BID: variants seen among roughly 807,000 people sequenced by gnomAD.
BID encodes BH3 interacting domain death agonist.
In BID, 19 loss-of-function variants were observed where a neutral mutation model predicts 17.4. The observed-to-expected ratio is 1.09, with a 90% CI of 0.76 to 1.60. The LOEUF (loss-of-function observed/expected upper bound fraction) is 1.60, where lower values mean the gene tolerates loss of function less well. Ranked by LOEUF, BID falls within the 40% of genes most tolerant of loss-of-function variation. The pLI is 0.00. For missense variants in BID, 226 were observed against 256.0 expected, an observed-to-expected ratio of 0.88 and a Z score of 0.80; for synonymous variants, 108 against 102.8, an observed-to-expected ratio of 1.05 and a Z score of -0.31.
chr22:17,740,557 G>C (rs780618873), intron 3 of BID: 16 of 183,052 alleles, frequency 8.7e-5, no homozygotes, highest in Non-Finnish European at 1.6e-4. Flanking sequence ...AGCCTCCTGA[G>C]TAGCTGGGAT....
intron 5 of BID, among the ~76,000 whole-genome samples, chr22:17,737,763 C>T (rs1372096055): frequency 2.6e-5 from 4 of 152,214 alleles, no homozygotes; most frequent in African/African-American, 7.2e-5. Context: ...AGGAGTGTGA[C>T]GTGAGCCTTT....
At position 17,773,524 on chromosome 22, in the gene BID, G is replaced by A; in HGVS notation, c.-59+857C>T. 1 of 1,372,698 alleles carries A rather than the reference G, an allele frequency of 7.3e-7. No homozygotes were observed. The highest frequency in any genetic ancestry group is 1.0e-6 in the Non-Finnish European group (1 of 975,250). The allele number at this position is 1,372,698 out of a possible 1,614,324, so 85.0% of individuals were successfully genotyped here. ...TGAGAAGGTGGAAGAGCTCTGGGTGGGTCCATCTGCTCCTCACCTGCCCCA... is the reference window on the plus strand; with the variant it reads ...TGAGAAGGTGGAAGAGCTCTGGGTGAGTCCATCTGCTCCTCACCTGCCCCA... On this transcript the variant is annotated intron_variant, in intron 1 of 5. Coordinates refer to ENST00000622694, the MANE Select transcript of BID (RefSeq NM_001196.4). This position sits in a 1 kb window ranked among gnomAD's most constrained non-coding sequence, Gnocchi z 4.4.
chr22:17,749,594 T>G (rs1269076265), intron 2 of BID, among the ~76,000 whole-genome samples: 1 of 152,272 alleles, frequency 6.6e-6, no homozygotes, highest in African/African-American at 2.4e-5. Context: ...TGGCATTGGT[T>G]AGACAAGGTA....
intron 5 of BID, 97 bp from the exon 6 acceptor site, chr22:17,735,688 T>C: frequency 4.1e-6 from 6 of 1,468,316 alleles, no homozygotes; most frequent in Non-Finnish European, 5.7e-6. Flanking sequence ...CTGGGGTTTA[T>C]GCAAAAACAT....
intron 2 of BID, among the ~76,000 whole-genome samples, chr22:17,749,365 G>A (rs964809351): frequency 1.3e-5 from 2 of 152,158 alleles, no homozygotes; most frequent in Admixed American, 6.6e-5. Flanking sequence ...TTATAAAGAC[G>A]GGGTCTTACT....
chr22:17,739,697 C>T, intron 3 of BID: 1 of 662,226 alleles, frequency 1.5e-6, no homozygotes, highest in Non-Finnish European at 2.5e-6. Flanking sequence ...GAGCTCAGGG[C>T]CTCGGCTGAG....
chr22:17,770,782 C>T lies in BID; in HGVS notation c.-59+3599G>A, dbSNP rs564143318. On this transcript the variant is annotated intron_variant, in intron 1 of 5. Coordinates refer to ENST00000622694, the MANE Select transcript of BID (RefSeq NM_001196.4). Reference sequence around the variant, plus strand: ...GAAGAAAGGGGGTTTGTTAAGCCAACGAGGAGGGAAGCCAAGGACTGCCCC... The same window carrying T: ...GAAGAAAGGGGGTTTGTTAAGCCAATGAGGAGGGAAGCCAAGGACTGCCCC... Among the ~76,000 whole-genome samples, 3 of 152,330 alleles carry T rather than the reference C, an allele frequency of 2.0e-5. No individual in the cohort carries two copies. The South Asian group carries it at 6.2e-4, about 32-fold the overall frequency.
intron 1 of BID, among the ~76,000 whole-genome samples, chr22:17,756,531 C>CTTCCTTTCTTCT (rs1569047967): frequency 7.1e-5 from 9 of 126,464 alleles, no homozygotes; most frequent in Non-Finnish European, 1.2e-4. Context: ...TCTTTCTTTC[C>CTTCCTTTCTTCT]TTCTTTCCTT....
intron 1 of BID, among the ~76,000 whole-genome samples, chr22:17,761,775 A>T (rs1196695436): frequency 6.6e-6 from 1 of 152,200 alleles, no homozygotes; most frequent in Non-Finnish European, 1.5e-5. Context: ...ATGAGTAAAC[A>T]AAGAAGGCAA....
chr22:17,739,786 T>A, intron 3 of BID: 1 of 581,000 alleles, frequency 1.7e-6, no homozygotes, highest in Non-Finnish European at 3.1e-6. Flanking sequence ...ACGCCTGAGG[T>A]ACAAGCCTGG....
Position 17,773,526 on chromosome 22 carries a change from T to A in BID, c.-59+855A>T. 1.4e-6 allele frequency: 2 copies of A among 1,401,804 alleles called. No individual in the cohort carries two copies. Among genetic ancestry groups the A allele is most frequent in the Admixed American group, 3.5e-5 (2 of 57,956 alleles). 86.8% of individuals were successfully genotyped at this position (1,401,804 alleles called of 1,614,324 possible). A position where few individuals can be genotyped will look rare whatever the true frequency, so the allele number is the denominator to read the frequency against. On this transcript the variant is annotated intron_variant, in intron 1 of 5. Coordinates refer to ENST00000622694, the MANE Select transcript of BID (RefSeq NM_001196.4). This position sits in a 1 kb window ranked among gnomAD's most constrained non-coding sequence, Gnocchi z 4.4. ...AGAAGGTGGAAGAGCTCTGGGTGGG[T>A]CCATCTGCTCCTCACCTGCCCCAAC...
intron 1 of BID, among the ~76,000 whole-genome samples, chr22:17,752,688 C>T (rs542102041): frequency 1.3e-5 from 2 of 150,338 alleles, no homozygotes; most frequent in East Asian, 2.0e-4. Flanking sequence ...TTTTTTGAGA[C>T]GGAGTCTCAC....
intron 1 of BID, among the ~76,000 whole-genome samples, chr22:17,771,756 T>C (rs1186519016): frequency 6.8e-6 from 1 of 147,588 alleles, no homozygotes; most frequent in Non-Finnish European, 1.5e-5. Flanking sequence ...AGAGGCAGGC[T>C]GTGTTGGGGC....
chr22:17,750,218 C>G, intron 1 of BID, 44 bp from the exon 2 acceptor site: 2 of 1,551,450 alleles, frequency 1.3e-6, no homozygotes, highest in Non-Finnish European at 1.8e-6. Context: ...CTGGGAAGCC[C>G]TGGTCAGGAC....
intron 1 of BID, among the ~76,000 whole-genome samples, chr22:17,756,464 TTTCTTTCTTTCTTTTC>T (rs1569047814): frequency 0.024 from 2,418 of 102,120 alleles, 38 homozygotes; most frequent in Middle Eastern, 0.033. Context: ...TCTTTCTTTC[TTTCTTTCTTTCTTTTC>T]TTTCTTTCTT....
Position 17,769,062 on chromosome 22 carries a change from T to TA in BID, c.-59+5318dup, listed in dbSNP as rs1841871372. 6.6e-6 allele frequency among the ~76,000 whole-genome samples: 1 copy of TA among 151,378 alleles called. No homozygotes were observed. The highest frequency in any genetic ancestry group is 1.5e-5 in the Non-Finnish European group (1 of 67,868). On this transcript the variant is annotated intron_variant, in intron 1 of 5. Coordinates refer to ENST00000622694, the MANE Select transcript of BID (RefSeq NM_001196.4). The surrounding 1 kb of genome is among the most constrained non-coding windows in gnomAD (Gnocchi z 4.8). ...TCTCAAAAATAAATAAATAAATAAA[T>TA]AAATAAATAAATAATAACTAAATAA... is the stretch of plus-strand genomic sequence containing the variant.
At position 17,738,121 on chromosome 22, in the gene BID, T is replaced by C; in HGVS notation, c.472A>G (p.Lys158Glu). The C allele has an allele frequency of 6.2e-7, 1 of 1,614,116 alleles. No homozygotes were observed. The highest frequency in any genetic ancestry group is 8.5e-7 in the Non-Finnish European group (1 of 1,180,024). Residue 158 changes from lysine to glutamate, a missense_variant, in exon 5 of 6, where the codon AAG (lysine) becomes GAG (glutamate). Physicochemically the swap from Lys to Glu is moderately conservative, Grantham distance 56 (BLOSUM62 1). Transcript: ENST00000622694. Reference protein sequence around the residue: ...MLVLALLLAKKVASHTPSLLR... With the variant: ...MLVLALLLAKEVASHTPSLLR... Reference sequence around the variant, plus strand: ...AAGGACGGCGTGTGACTGGCCACCTTCTTGGCCAGCAGCAGGGCCAGCACC... The same window carrying C: ...AAGGACGGCGTGTGACTGGCCACCTCCTTGGCCAGCAGCAGGGCCAGCACC...
intron 1 of BID, among the ~76,000 whole-genome samples, chr22:17,763,700 T>A (rs1024965861): frequency 6.8e-6 from 1 of 147,606 alleles, no homozygotes; most frequent in Non-Finnish European, 1.5e-5. Context: ...TTCCTCAACA[T>A]GAAAACATAC....
At chr22:17,754,079 G>A (rs1159503769) in intron 1 of BID, among the ~76,000 whole-genome samples, 1 of 151,986 alleles carries the variant, frequency 6.6e-6, no homozygotes, top group African/African-American at 2.4e-5. Flanking sequence ...CAGGACAGGG[G>A]TGACATTCCC....
Sources: gnomAD v4.1 joint callset for allele counts (sites outside exome capture counted in the v4.1 genomes callset) on GRCh38, gnomAD v4.1.1 for gene constraint, Gnocchi (gnomAD v3.1) non-coding constraint, MANE v1.5 for transcripts, NCBI Gene and HGNC (gene_info 2026-07-23, HGNC 2026-07-21) for gene names.